Variants in SNX27 observed in about 807,000 individuals in gnomAD.
SNX27 encodes sorting nexin 27.
SNX27 carries 22 observed loss-of-function variants against 71.6 expected under a neutral mutation model. The observed-to-expected ratio is 0.31, with a 90% CI of 0.22 to 0.44. SNX27 has a LOEUF of 0.44. Among genes scored for constraint, SNX27 ranks in the 20% least tolerant of loss-of-function variants. The pLI is 1.00. For synonymous variants in SNX27, 269 were observed against 277.2 expected, an observed-to-expected ratio of 0.97 and a Z score of 0.29; for missense variants, 531 against 698.6, an observed-to-expected ratio of 0.76 and a Z score of 2.70.
chr1:151,628,458 T>G (rs1668052898), intron 1 of SNX27, among the ~76,000 whole-genome samples: 1 of 152,214 alleles, frequency 6.6e-6, no homozygotes, highest in Non-Finnish European at 1.5e-5. Context: ...AACATTTATT[T>G]ACGTGCAGGT....
intron 8 of SNX27, among the ~76,000 whole-genome samples, chr1:151,691,384 AT>A (rs1671433612): frequency 6.6e-6 from 1 of 151,916 alleles, no homozygotes; most frequent in African/African-American, 2.4e-5. Context: ...ACTAAACAGA[AT>A]TGTGAGACCC....
intron 10 of SNX27, 145 bp from the exon 11 acceptor site, chr1:151,693,279 C>T (rs1157534900): frequency 3.2e-6 from 3 of 946,686 alleles, no homozygotes; most frequent in Non-Finnish European, 4.9e-6. Flanking sequence ...AGTGGATGAA[C>T]CAGGCCTGGG....
chr1:151,679,656 G>C (rs971342305), intron 7 of SNX27: 1 of 152,192 alleles, frequency 6.6e-6, no homozygotes, highest in Non-Finnish European at 1.5e-5. Context: ...ACAAAAACAC[G>C]AGGCATTTAA....
Position 151,639,997 on chromosome 1 carries a change from G to A in SNX27, c.543+878G>A, listed in dbSNP as rs573087143. On this transcript the variant is annotated intron_variant, in intron 2 of 11. Coordinates refer to ENST00000458013, the MANE Select transcript of SNX27 (RefSeq NM_001330723.2). ...CTAAAGTTACAGTCTCTAAAACTGAGATTTATCCTCTGCATAGGAACGAGC... is the reference window on the plus strand; with the variant it reads ...CTAAAGTTACAGTCTCTAAAACTGAAATTTATCCTCTGCATAGGAACGAGC... Among the ~76,000 whole-genome samples, 17 of 152,326 alleles carry A rather than the reference G, an allele frequency of 1.1e-4. No homozygotes were observed. The East Asian group carries it at 3.3e-3, about 29-fold the overall frequency.
intron 1 of SNX27, among the ~76,000 whole-genome samples, chr1:151,624,338 A>G (rs1667818066): frequency 6.6e-6 from 1 of 151,366 alleles, no homozygotes; most frequent in African/African-American, 2.4e-5. Flanking sequence ...TCTTGGTGAC[A>G]AGTGGTTACA....
chr1:151,693,194 G>T, intron 10 of SNX27, 155 bp downstream of exon 10: 1 of 1,185,136 alleles, frequency 8.4e-7, no homozygotes. Context: ...TCCTGTTTTT[G>T]CTTTAGGCCT....
At position 151,617,934 on chromosome 1, in the gene SNX27, C is replaced by G. The variant is rs184075335; in HGVS notation, c.311+5422C>G. 2.2e-3 allele frequency among the ~76,000 whole-genome samples: 292 copies of G among 134,772 alleles called. 1 individual carries two copies. The highest frequency in any genetic ancestry group is 7.7e-3 in the African/African-American group (283 of 36,540). 88.4% of individuals were successfully genotyped at this position (134,772 alleles called of 152,430 possible). A position where few individuals can be genotyped will look rare whatever the true frequency, so the allele number is the denominator to read the frequency against. On this transcript the variant is annotated intron_variant, in intron 1 of 11. Coordinates refer to ENST00000458013, the MANE Select transcript of SNX27 (RefSeq NM_001330723.2). ...TAGGAGTCTCACTATGTTGCCCAGG[C>G]TGTACTTGAATTCTGGGCTCAAGTG... is the stretch of plus-strand genomic sequence containing the variant.
At chr1:151,624,435 AT>A (rs397860649) in intron 1 of SNX27, among the ~76,000 whole-genome samples, 85 of 109,958 alleles carry the variant, frequency 7.7e-4, no homozygotes, top group African/African-American at 1.5e-3. Context: ...ATATATATGT[AT>A]TTTTTTTTTT....
chr1:151,643,687 T>C (rs1172646775), intron 2 of SNX27, among the ~76,000 whole-genome samples: 4 of 151,386 alleles, frequency 2.6e-5, no homozygotes, highest in Non-Finnish European at 5.9e-5. Flanking sequence ...TTAGACAGAG[T>C]TTCGCTCTTG....
chr1:151,630,815 C>T (rs1336155196), intron 1 of SNX27, among the ~76,000 whole-genome samples: 1 of 152,138 alleles, frequency 6.6e-6, no homozygotes, highest in Non-Finnish European at 1.5e-5. Context: ...GGGTGGATCA[C>T]GAGGTCAGGA....
intron 4 of SNX27, chr1:151,661,124 A>G (rs1669950930): frequency 2.1e-5 from 8 of 386,686 alleles, no homozygotes; most frequent in South Asian, 1.7e-4. Flanking sequence ...AACTTTTGCA[A>G]TTAGTTCCAT....
intron 7 of SNX27, among the ~76,000 whole-genome samples, 175 bp from the exon 8 acceptor site, chr1:151,683,181 G>C (rs909398468): frequency 2.0e-5 from 3 of 152,180 alleles, no homozygotes; most frequent in African/African-American, 7.2e-5. Context: ...TGAGATTTGA[G>C]TGGAGGCACA....
In SNX27 at chr1:151,668,610, T is replaced by G. The variant is rs749329909; in HGVS notation, c.1124T>G (p.Leu375Arg). 1.6e-4 allele frequency: 258 copies of G among 1,612,970 alleles called. No individual in the cohort carries two copies. Among genetic ancestry groups the G allele is most frequent in the Non-Finnish European group, 2.1e-4 (248 of 1,179,756 alleles). Residue 375 changes from leucine to arginine, a missense_variant, in exon 7 of 12, where the codon CTT (leucine) becomes CGT (arginine). This residue lies in a region of SNX27 where 184 missense variants were observed against 289.6 expected (regional missense o/e 0.64). Transcript: ENST00000458013. ...GAAATTCTCTTAAATGACAATGACCTTGCTGTTACCTACTTCTTTCATCAG... is the reference window on the plus strand; with the variant it reads ...GAAATTCTCTTAAATGACAATGACCGTGCTGTTACCTACTTCTTTCATCAG... Reference protein sequence around the residue: ...EEEILLNDNDLAVTYFFHQAV... With the variant: ...EEEILLNDNDRAVTYFFHQAV...
At chr1:151,640,005 C>T (rs1377282793) in intron 2 of SNX27, among the ~76,000 whole-genome samples, 1 of 152,110 alleles carries the variant, frequency 6.6e-6, no homozygotes, top group Non-Finnish European at 1.5e-5. Context: ...GAGATTTATC[C>T]TCTGCATAGG....
intron 2 of SNX27, among the ~76,000 whole-genome samples, chr1:151,642,014 A>G (rs2102640694): frequency 6.8e-6 from 1 of 146,770 alleles, no homozygotes; most frequent in Non-Finnish European, 1.5e-5. Context: ...TATCAGATAT[A>G]GATATATATG....
chr1:151,617,530 C>T (rs940613290), intron 1 of SNX27, among the ~76,000 whole-genome samples: 3 of 152,182 alleles, frequency 2.0e-5, no homozygotes, highest in Non-Finnish European at 2.9e-5. Flanking sequence ...GTGATCAGCC[C>T]GCCTCGGCCT....
chr1:151,654,066 C>T (rs903118678), intron 2 of SNX27, among the ~76,000 whole-genome samples: 3 of 151,586 alleles, frequency 2.0e-5, no homozygotes, highest in East Asian at 1.9e-4. Context: ...CTTTTGACCT[C>T]GTGATCCACC....
At chr1:151,693,300 C>A (rs1431099050) in intron 10 of SNX27, 124 bp from the exon 11 acceptor site, 1 of 1,062,136 alleles carries the variant, frequency 9.4e-7, no homozygotes, top group African/African-American at 1.6e-5. Context: ...TTTTATGGTA[C>A]TTGTCAGGGT....
intron 8 of SNX27, among the ~76,000 whole-genome samples, chr1:151,692,128 G>A (rs973068128): frequency 3.3e-5 from 5 of 152,050 alleles, no homozygotes; most frequent in Non-Finnish European, 7.4e-5. Flanking sequence ...GGAGGCTAAG[G>A]TGGGAGGATT....
Sources: allele counts gnomAD v4.1 joint callset (sites outside exome capture counted in the v4.1 genomes callset), GRCh38; gene constraint gnomAD v4.1.1; regional missense constraint gnomAD v4.1.1; transcripts MANE v1.5; gene names NCBI Gene and HGNC (gene_info 2026-07-23, HGNC 2026-07-21).